PAPPA2: variants seen among roughly 807,000 people sequenced by gnomAD.
PAPPA2 encodes the protein pappalysin-2.
PAPPA2 carries 86 observed loss-of-function variants against 176.4 expected under a neutral mutation model. The observed-to-expected ratio is 0.49, with a 90% CI of 0.41 to 0.58. The LOEUF (loss-of-function observed/expected upper bound fraction) is 0.58, where lower values mean the gene tolerates loss of function less well. Ranked by LOEUF, PAPPA2 falls within the 20% of genes least tolerant of loss-of-function variation. The pLI is 0.00. For synonymous variants in PAPPA2, 809 were observed against 852.2 expected, an observed-to-expected ratio of 0.95 and a Z score of 0.88; for missense variants, 2,073 against 2,256.9, an observed-to-expected ratio of 0.92 and a Z score of 1.65.
At chr1:176,568,191 C>T (rs1031084568) in intron 2 of PAPPA2, among the ~76,000 whole-genome samples, 1 of 152,122 alleles carries the variant, frequency 6.6e-6, no homozygotes, top group Non-Finnish European at 1.5e-5. Flanking sequence ...AAGAACTGGT[C>T]ATCTAAAGTA....
intron 1 of PAPPA2, among the ~76,000 whole-genome samples, chr1:176,471,940 CAG>C (rs1356200236): frequency 1.3e-5 from 2 of 152,290 alleles, no homozygotes; most frequent in East Asian, 3.9e-4. Flanking sequence ...TGGTGAAACT[CAG>C]AGTCTATCTC....
chr1:176,769,073 G>T (rs564433443), intron 15 of PAPPA2, among the ~76,000 whole-genome samples: 1 of 152,330 alleles, frequency 6.6e-6, no homozygotes, highest in East Asian at 1.9e-4. Flanking sequence ...GGCCTGAAAG[G>T]TTTACCTTAG....
At chr1:176,703,841 G>A (rs1660764393) in intron 9 of PAPPA2, among the ~76,000 whole-genome samples, 1 of 152,142 alleles carries the variant, frequency 6.6e-6, no homozygotes, top group South Asian at 2.1e-4. Flanking sequence ...ACCTAACTCA[G>A]CCTGCCACCT....
chr1:176,532,476 A>G (rs1233566325), intron 1 of PAPPA2, among the ~76,000 whole-genome samples: 1 of 152,208 alleles, frequency 6.6e-6, no homozygotes, highest in Non-Finnish European at 1.5e-5. Context: ...AGAGATATTA[A>G]AAATAACACA....
chr1:176,828,874 G>A (rs890674471), intron 21 of PAPPA2, among the ~76,000 whole-genome samples: 1 of 151,982 alleles, frequency 6.6e-6, no homozygotes, highest in Non-Finnish European at 1.5e-5. Flanking sequence ...GTGGTGGTGG[G>A]CAGCTGTATT....
intron 12 of PAPPA2, among the ~76,000 whole-genome samples, chr1:176,718,249 T>C (rs969446155): frequency 6.6e-6 from 1 of 152,148 alleles, no homozygotes; most frequent in African/African-American, 2.4e-5. Context: ...CTATTTTCTT[T>C]GTCATGTTTC....
chr1:176,485,722 G>A (rs548857995), intron 1 of PAPPA2, among the ~76,000 whole-genome samples: 1 of 152,062 alleles, frequency 6.6e-6, no homozygotes, highest in Non-Finnish European at 1.5e-5. Context: ...AGTAGGCGGG[G>A]GGAGGAAAAA....
rs576150871 is a variant in PAPPA2, at chr1:176,528,084, G to T, written c.-916-27323G>T. Among the ~76,000 whole-genome samples the T allele has an allele frequency of 2.4e-3, 366 of 152,308 alleles. 1 individual carries two copies. Among genetic ancestry groups the T allele is most frequent in the African/African-American group, 8.3e-3 (345 of 41,584 alleles). ...CCATATCTGAGGATTTATAGTGAAA[G>T]AGCATCATGCCAAGCTTGGCATTCA... On this transcript the variant is annotated intron_variant, in intron 1 of 22. Coordinates refer to ENST00000367662, the MANE Select transcript of PAPPA2 (RefSeq NM_020318.3).
At chr1:176,590,619 C>T (rs182800383) in intron 2 of PAPPA2, among the ~76,000 whole-genome samples, 1 of 152,326 alleles carries the variant, frequency 6.6e-6, no homozygotes, top group Admixed American at 6.5e-5. Context: ...ACAACAACCT[C>T]ATGAGGTTTA....
chr1:176,530,814 C>G (rs969960145), intron 1 of PAPPA2, among the ~76,000 whole-genome samples: 2 of 152,198 alleles, frequency 1.3e-5, no homozygotes, highest in Non-Finnish European at 2.9e-5. Context: ...CATGGAGTTC[C>G]CTTAGAGATG....
At position 176,675,156 on chromosome 1, in the gene PAPPA2, C is replaced by T. The variant is rs1278413271; in HGVS notation, c.2137+4041C>T. 3.3e-5 allele frequency among the ~76,000 whole-genome samples: 5 copies of T among 151,920 alleles called. No homozygotes were observed. The East Asian group carries it at 9.6e-4, about 29-fold the overall frequency. Reference sequence around the variant, plus strand: ...GTTTCCTCCTGAAACACTCTTAATCCTTGTTTGGAGGAAGTTTATCTGCCT... The same window carrying T: ...GTTTCCTCCTGAAACACTCTTAATCTTTGTTTGGAGGAAGTTTATCTGCCT... On this transcript the variant is annotated intron_variant, in intron 4 of 22. Coordinates refer to ENST00000367662, the MANE Select transcript of PAPPA2 (RefSeq NM_020318.3).
At chr1:176,745,924 T>C (rs938844188) in intron 14 of PAPPA2, among the ~76,000 whole-genome samples, 1 of 152,208 alleles carries the variant, frequency 6.6e-6, no homozygotes, top group African/African-American at 2.4e-5. Flanking sequence ...GTGGTGCTGC[T>C]GGAACTTTCT....
chr1:176,490,225 A>G (rs962134240), intron 1 of PAPPA2, among the ~76,000 whole-genome samples: 3 of 150,498 alleles, frequency 2.0e-5, no homozygotes, highest in Admixed American at 1.3e-4. Flanking sequence ...CCTCTGCTCT[A>G]TCTTCTACCT....
chr1:176,616,641 T>A, intron 3 of PAPPA2: 2 of 1,570,814 alleles, frequency 1.3e-6, no homozygotes, highest in Non-Finnish European at 1.7e-6. Context: ...ATAAGTTGCT[T>A]CACATACTCT....
At position 176,675,519 on chromosome 1, in the gene PAPPA2, A is replaced by G. The variant is rs1659241733; in HGVS notation, c.2137+4404A>G. ...ACCAGTAAGAAAAATTAAGAAATGAATAGATGGGTTTATGAACAGAAGAAA... is the reference window on the plus strand; with the variant it reads ...ACCAGTAAGAAAAATTAAGAAATGAGTAGATGGGTTTATGAACAGAAGAAA... On this transcript the variant is annotated intron_variant, in intron 4 of 22. Transcript: ENST00000367662. Among the ~76,000 whole-genome samples, 4 of 152,198 alleles carry G rather than the reference A, an allele frequency of 2.6e-5. No homozygotes were observed. The South Asian group carries it at 8.3e-4, about 32-fold the overall frequency.
intron 1 of PAPPA2, among the ~76,000 whole-genome samples, chr1:176,482,233 T>C (rs11583610): frequency 0.37 from 56,949 of 152,114 alleles, 12,845 homozygotes; most frequent in African/African-American, 0.62. Flanking sequence ...CCAAATCCTT[T>C]TCTTCCCTAA....
At chr1:176,568,000 T>C (rs1652087575) in intron 2 of PAPPA2, among the ~76,000 whole-genome samples, 1 of 152,170 alleles carries the variant, frequency 6.6e-6, no homozygotes, top group African/African-American at 2.4e-5. Context: ...CAGTTGTGGG[T>C]GCATCCACAT....
At chr1:176,690,579 ATTTTTT>A in intron 5 of PAPPA2, 149 bp downstream of exon 5, 1 of 1,420,594 alleles carries the variant, frequency 7.0e-7, no homozygotes, top group South Asian at 1.7e-5. Flanking sequence ...AGGTATTATT[ATTTTTT>A]CATGTCTTTG....
Position 176,781,845 on chromosome 1 carries a change from G to A in PAPPA2, c.4716-7964G>A, listed in dbSNP as rs538603040. 2.4e-4 allele frequency among the ~76,000 whole-genome samples: 36 copies of A among 152,312 alleles called. No individual in the cohort carries two copies. In the East Asian group the frequency reaches 6.0e-3, roughly 25 times the overall value. ...ATATTGCTGCTCTAGGTACCACACTGTGTGTAGTAAGAGGCTAAAGTGTAT... is the reference window on the plus strand; with the variant it reads ...ATATTGCTGCTCTAGGTACCACACTATGTGTAGTAAGAGGCTAAAGTGTAT... On this transcript the variant is annotated intron_variant, in intron 17 of 22. Coordinates refer to ENST00000367662, the MANE Select transcript of PAPPA2 (RefSeq NM_020318.3).
Sources: gnomAD v4.1 joint callset for allele counts (sites outside exome capture counted in the v4.1 genomes callset) on GRCh38, gnomAD v4.1.1 for gene constraint, MANE v1.5 for transcripts, NCBI Gene and HGNC (gene_info 2026-07-23, HGNC 2026-07-21) for gene names.